Variants in KIZ observed in about 807,000 individuals in gnomAD.
KIZ encodes the protein centrosomal protein kizuna.
KIZ carries 68 observed loss-of-function variants against 79.6 expected under a neutral mutation model. That is an observed-to-expected ratio of 0.85 (90% CI 0.70 to 1.05). KIZ has a LOEUF of 1.05. Ranked by LOEUF, KIZ falls within the 50% of genes least tolerant of loss-of-function variation. The pLI is 0.00. For missense variants in KIZ, 797 were observed against 800.4 expected (o/e 1.00, Z 0.05); for synonymous variants, 280 against 281.8 (o/e 0.99, Z 0.06).
intron 11 of KIZ, among the ~76,000 whole-genome samples, chr20:21,241,183 A>G (rs2037203779): frequency 6.6e-6 from 1 of 152,244 alleles, no homozygotes; most frequent in Non-Finnish European, 1.5e-5. Context: ...TCCAGCACAC[A>G]ATAGAAAGTT....
intron 6 of KIZ, chr20:21,193,935 G>A (rs1041031677): frequency 2.6e-5 from 4 of 151,730 alleles, no homozygotes; most frequent in Non-Finnish European, 5.9e-5. Context: ...CAGCACACCA[G>A]CATGGCACGT....
chr20:21,155,287 A>G (rs1334945958), intron 4 of KIZ, among the ~76,000 whole-genome samples: 1 of 152,198 alleles, frequency 6.6e-6, no homozygotes, highest in Non-Finnish European at 1.5e-5. Context: ...CATCTGATGA[A>G]TGGATAAACA....
At chr20:21,138,032 A>G (rs2032297246) in intron 3 of KIZ, among the ~76,000 whole-genome samples, 1 of 152,048 alleles carries the variant, frequency 6.6e-6, no homozygotes. Flanking sequence ...TTGGCCTCCC[A>G]GAGTGCTGGA....
At chr20:21,142,182 C>T (rs1344049649) in intron 3 of KIZ, among the ~76,000 whole-genome samples, 3 of 152,104 alleles carry the variant, frequency 2.0e-5, no homozygotes, top group Non-Finnish European at 4.4e-5. Context: ...TCCTTGAAAG[C>T]ACCACATTAT....
chr20:21,145,204 ACTGT>A (rs1350009144), intron 3 of KIZ, among the ~76,000 whole-genome samples: 1 of 151,882 alleles, frequency 6.6e-6, no homozygotes, highest in Non-Finnish European at 1.5e-5. Context: ...AAAAGGAAAC[ACTGT>A]CTAATGTGCT....
intron 6 of KIZ, among the ~76,000 whole-genome samples, chr20:21,174,501 ATTC>A (rs1243719310): frequency 6.6e-6 from 1 of 152,240 alleles, no homozygotes; most frequent in African/African-American, 2.4e-5. Flanking sequence ...AGCAAATTAA[ATTC>A]TTTAATTAGA....
chr20:21,153,912 C>T (rs1208276172), intron 4 of KIZ: 1 of 152,110 alleles, frequency 6.6e-6, no homozygotes, highest in Non-Finnish European at 1.5e-5. Flanking sequence ...ATCCTTTAAG[C>T]CACAGTGGGG....
In KIZ at chr20:21,167,595, C is replaced by T. The variant is rs528973176; in HGVS notation, c.1352+4436C>T. 2.1e-4 allele frequency among the ~76,000 whole-genome samples: 24 copies of T among 117,012 alleles called. No individual in the cohort carries two copies. In the South Asian group the frequency reaches 7.4e-3, roughly 36 times the overall value. The allele number at this position is 117,012 out of a possible 152,430, so 76.8% of individuals were successfully genotyped here. On this transcript the variant is annotated intron_variant, in intron 6 of 12. Coordinates refer to ENST00000619189, the MANE Select transcript of KIZ (RefSeq NM_018474.6). ...TTTTTTTTTGAGATGGAGTTTCACT[C>T]TTGTCGCCCAGGCTGGAGTACAATG...
chr20:21,232,217 C>T (rs904498247), intron 10 of KIZ, among the ~76,000 whole-genome samples: 2 of 152,198 alleles, frequency 1.3e-5, no homozygotes, highest in Non-Finnish European at 2.9e-5. Flanking sequence ...AGTGTGCATC[C>T]TCCTCCTCAA....
intron 11 of KIZ, among the ~76,000 whole-genome samples, chr20:21,236,065 G>C (rs144092072): frequency 2.6e-5 from 4 of 152,200 alleles, no homozygotes; most frequent in Non-Finnish European, 5.9e-5. Flanking sequence ...TGAATTAGCA[G>C]CTTCCTAAAT....
intron 6 of KIZ, among the ~76,000 whole-genome samples, chr20:21,168,401 A>G (rs534840560): frequency 2.0e-5 from 3 of 152,114 alleles, no homozygotes; most frequent in Non-Finnish European, 4.4e-5. Flanking sequence ...CTTCAAGGAG[A>G]ACTACAAACC....
chr20:21,179,138 A>G (rs2034548271), intron 6 of KIZ, among the ~76,000 whole-genome samples: 1 of 150,988 alleles, frequency 6.6e-6, no homozygotes, highest in Non-Finnish European at 1.5e-5. Context: ...GAGTTTGAGA[A>G]GTATTGGCAT....
At chr20:21,220,197 A>C (rs1452594634) in intron 9 of KIZ, among the ~76,000 whole-genome samples, 1 of 150,590 alleles carries the variant, frequency 6.6e-6, no homozygotes, top group Non-Finnish European at 1.5e-5. Context: ...TTAGTTAATA[A>C]AATTAATATT....
chr20:21,199,521 CT>C lies in KIZ; in HGVS notation c.1353-5968del, dbSNP rs550095546. ...GATTATCACTGGTTCACTCTCTAGC[CT>C]TGAAAAAAGTGCCAAGTGTTTGTGA... On this transcript the variant is annotated intron_variant, in intron 6 of 12. Coordinates refer to ENST00000619189, the MANE Select transcript of KIZ (RefSeq NM_018474.6). Among the ~76,000 whole-genome samples, 11 of 152,278 alleles carry C rather than the reference CT, an allele frequency of 7.2e-5. No individual in the cohort carries two copies. In the South Asian group the frequency reaches 2.3e-3, roughly 32 times the overall value.
intron 4 of KIZ, among the ~76,000 whole-genome samples, chr20:21,149,970 T>C (rs1389294421): frequency 2.0e-5 from 3 of 152,108 alleles, no homozygotes; most frequent in Non-Finnish European, 2.9e-5. Flanking sequence ...GAAGATGGCA[T>C]GGGGAAGGGA....
intron 3 of KIZ, among the ~76,000 whole-genome samples, chr20:21,144,358 C>T (rs891705650): frequency 2.0e-5 from 3 of 152,072 alleles, no homozygotes; most frequent in African/African-American, 7.2e-5. Flanking sequence ...GAGATACTAT[C>T]CCTTGGAATC....
At chr20:21,139,937 G>T (rs142278776) in intron 3 of KIZ, among the ~76,000 whole-genome samples, 68 of 152,290 alleles carry the variant, frequency 4.5e-4, no homozygotes, top group African/African-American at 1.6e-3. Context: ...CACTCAGGAA[G>T]GATGTGAGTT....
intron 6 of KIZ, among the ~76,000 whole-genome samples, chr20:21,188,910 G>T (rs1350791422): frequency 6.6e-6 from 1 of 151,802 alleles, no homozygotes; most frequent in African/African-American, 2.4e-5. Flanking sequence ...GGGTTTCACC[G>T]TGTCAGCCAG....
intron 4 of KIZ, chr20:21,151,621 C>A (rs372502058): frequency 2.2e-4 from 33 of 152,154 alleles, no homozygotes; most frequent in African/African-American, 7.0e-4. Context: ...CATAGGAGAA[C>A]GAGTATTGAG....
Sources: gnomAD v4.1 joint callset for allele counts (sites outside exome capture counted in the v4.1 genomes callset) on GRCh38, gnomAD v4.1.1 for gene constraint, MANE v1.5 for transcripts, NCBI Gene and HGNC (gene_info 2026-07-23, HGNC 2026-07-21) for gene names.